TANC1: variants seen among roughly 807,000 people sequenced by gnomAD.
TANC1 encodes the protein tetratricopeptide repeat, ankyrin repeat and coiled-coil containing 1.
TANC1 carries 77 observed loss-of-function variants against 149.7 expected under a neutral mutation model. The observed-to-expected ratio is 0.51, with a 90% CI of 0.43 to 0.62. TANC1 has a LOEUF of 0.62. TANC1 is among the 20% of genes least tolerant of loss of function. The pLI is 0.00. For missense variants in TANC1, 1,985 were observed against 2,321.8 expected, an observed-to-expected ratio of 0.85 and a Z score of 2.98; for synonymous variants, 854 against 925.0, an observed-to-expected ratio of 0.92 and a Z score of 1.39.
intron 22 of TANC1, among the ~76,000 whole-genome samples, chr2:159,222,299 AGAGTT>A (rs2059755093): frequency 6.6e-6 from 1 of 152,224 alleles, no homozygotes; most frequent in East Asian, 1.9e-4. Context: ...CTAAACATAT[AGAGTT>A]CAGTAGTTTA....
At chr2:159,099,112 T>C (rs562166384) in intron 4 of TANC1, among the ~76,000 whole-genome samples, 3 of 152,328 alleles carry the variant, frequency 2.0e-5, no homozygotes, top group African/African-American at 7.2e-5. Context: ...TTAGAAACGG[T>C]GCTATGAATT....
At chr2:159,048,924 A>G (rs891115053) in intron 2 of TANC1, among the ~76,000 whole-genome samples, 4 of 152,158 alleles carry the variant, frequency 2.6e-5, no homozygotes, top group Non-Finnish European at 4.4e-5. Context: ...AGCCACCACA[A>G]TTGGCCCTCT....
chr2:159,158,706 A>C (rs745588669), intron 7 of TANC1, among the ~76,000 whole-genome samples: 1 of 152,252 alleles, frequency 6.6e-6, no homozygotes, highest in African/African-American at 2.4e-5. Flanking sequence ...ATAAGACTGT[A>C]TTCTTCTTAT....
chr2:159,178,481 C>A, intron 13 of TANC1, 75 bp from the exon 14 acceptor site: 1 of 1,485,940 alleles, frequency 6.7e-7, no homozygotes, highest in Middle Eastern at 1.8e-4. Context: ...ACTAGTGAAT[C>A]TGGTTTAAAA....
rs1049070488 is a variant in TANC1 at position 159,190,216 on chromosome 2, G to A, written c.2742+3192G>A. Among the ~76,000 whole-genome samples, 7 of 152,194 alleles carry A rather than the reference G, an allele frequency of 4.6e-5. No homozygotes were observed. In the South Asian group the frequency reaches 6.2e-4, roughly 14 times the overall value. ...AATCACACAGTAGGTTAGTTTGGGG[G>A]CTGGCTGAGAACTCACACCACTTAA... On this transcript the variant is annotated intron_variant, in intron 16 of 26. Coordinates refer to ENST00000263635, the MANE Select transcript of TANC1 (RefSeq NM_033394.3).
At chr2:159,076,394 C>A (rs2043681963) in intron 3 of TANC1, among the ~76,000 whole-genome samples, 2 of 152,112 alleles carry the variant, frequency 1.3e-5, no homozygotes, top group African/African-American at 4.8e-5. Context: ...TATAAAGAAA[C>A]CAAAATAAAA....
At chr2:159,061,666 C>T (rs936254485) in intron 2 of TANC1, among the ~76,000 whole-genome samples, 11 of 152,156 alleles carry the variant, frequency 7.2e-5, no homozygotes, top group African/African-American at 2.7e-4. Context: ...TTTGTTATGC[C>T]TTTCTCTTGT....
At chr2:159,083,604 C>G (rs2044508971) in intron 3 of TANC1, among the ~76,000 whole-genome samples, 2 of 152,096 alleles carry the variant, frequency 1.3e-5, no homozygotes, top group South Asian at 4.1e-4. Flanking sequence ...CTGATACTTG[C>G]AAGTTAGATA....
At position 159,097,740 on chromosome 2, in the gene TANC1, C is replaced by G. The variant is rs757779903; in HGVS notation, c.165C>G (p.Ser55Arg). 6.2e-7 allele frequency: 1 copy of G among 1,614,088 alleles called. No individual in the cohort carries two copies. The highest frequency in any genetic ancestry group is 1.7e-5 in the Admixed American group (1 of 60,014). ...CAGCAGAGGACACCTATAGGGTGAG[C>G]TTGGCCAAAGGTGTCTCGATGTCTC... ...LPTAEDTYRV[S>R]LAKGVSMSLP... Residue 55 changes from serine to arginine, a missense_variant, in exon 4 of 27, where the codon AGC (serine) becomes AGG (arginine). Coordinates refer to ENST00000263635, the MANE Select transcript of TANC1 (RefSeq NM_033394.3).
intron 2 of TANC1, among the ~76,000 whole-genome samples, chr2:159,011,284 C>A (rs2037727489): frequency 6.6e-6 from 1 of 152,008 alleles, no homozygotes; most frequent in Admixed American, 6.5e-5. Flanking sequence ...TGGTTTTTCT[C>A]TTTCTTTCTG....
At chr2:159,135,653 C>T (rs763192606) in intron 4 of TANC1, among the ~76,000 whole-genome samples, 15 of 152,234 alleles carry the variant, frequency 9.9e-5, no homozygotes, top group Admixed American at 2.0e-4. Context: ...AGTTACTGTG[C>T]GTCACCAGCC....
At chr2:159,158,996 C>T (rs1212658363) in intron 7 of TANC1, among the ~76,000 whole-genome samples, 1 of 152,176 alleles carries the variant, frequency 6.6e-6, no homozygotes, top group Non-Finnish European at 1.5e-5. Flanking sequence ...AGTTCCTGAA[C>T]AATTCTGGGC....
intron 2 of TANC1, among the ~76,000 whole-genome samples, chr2:159,036,983 A>G (rs1002535198): frequency 2.6e-5 from 4 of 152,194 alleles, no homozygotes; most frequent in African/African-American, 9.7e-5. Flanking sequence ...CCAACAGTGT[A>G]AAAGTGTTCC....
chr2:159,055,891 T>C (rs1442932265), intron 2 of TANC1: 1 of 166,058 alleles, frequency 6.0e-6, no homozygotes, highest in African/African-American at 2.4e-5. Context: ...TATTTATTTA[T>C]TTATTTTAGC....
At chr2:158,973,335 T>G (rs1048519977) in intron 1 of TANC1, among the ~76,000 whole-genome samples, 48 of 152,166 alleles carry the variant, frequency 3.2e-4, no homozygotes, top group Non-Finnish European at 5.0e-4. Context: ...GAACAGTGGC[T>G]TATTACCTCT....
chr2:159,165,489 A>G (rs913956011), intron 8 of TANC1, among the ~76,000 whole-genome samples: 1 of 152,210 alleles, frequency 6.6e-6, no homozygotes, highest in African/African-American at 2.4e-5. Context: ...TCTGTTAACA[A>G]GCTAGGAGTC....
intron 12 of TANC1, among the ~76,000 whole-genome samples, chr2:159,175,883 G>C (rs538200847): frequency 1.3e-5 from 2 of 152,242 alleles, no homozygotes; most frequent in Admixed American, 6.5e-5. Flanking sequence ...AGTCGGTAGC[G>C]TGGAGCTCTC....
Position 159,149,532 on chromosome 2 carries a change from T to C in TANC1, c.495+260T>C, listed in dbSNP as rs1273640713. 9 of 460,160 alleles carry C rather than the reference T, an allele frequency of 2.0e-5. No homozygotes were observed. In the East Asian group the frequency reaches 3.9e-4, roughly 20 times the overall value. 28.5% of individuals were successfully genotyped at this position (460,160 alleles called of 1,614,324 possible). A position where few individuals can be genotyped will look rare whatever the true frequency, so the allele number is the denominator to read the frequency against. On this transcript the variant is annotated intron_variant, in intron 6 of 26. Transcript: ENST00000263635. ...ACCCAGAGAATAATGGCCACATGAATTAAAGAGGCTAAAAGAATGCCTTCA... is the reference window on the plus strand; with the variant it reads ...ACCCAGAGAATAATGGCCACATGAACTAAAGAGGCTAAAAGAATGCCTTCA...
At chr2:159,196,925 GTCT>G in intron 18 of TANC1, 132 bp downstream of exon 18, 1 of 770,578 alleles carries the variant, frequency 1.3e-6, no homozygotes, top group South Asian at 1.8e-5. Flanking sequence ...GCAGTAGAAG[GTCT>G]TCTATGGGCA....
Sources: allele counts gnomAD v4.1 joint callset (sites outside exome capture counted in the v4.1 genomes callset), GRCh38; gene constraint gnomAD v4.1.1; transcripts MANE v1.5; gene names NCBI Gene and HGNC (gene_info 2026-07-23, HGNC 2026-07-21).